The following CSMD3 variants were observed in gnomAD, a reference collection of about 807,000 sequenced individuals.
The protein encoded by CSMD3 is CUB and sushi domain-containing protein 3.
In CSMD3, 177 loss-of-function variants were observed where a neutral mutation model predicts 435.2. The ratio of observed to expected loss-of-function variants is 0.41; its 90% CI spans 0.36 to 0.46. The LOEUF is 0.46. Among genes scored for constraint, CSMD3 ranks in the 20% least tolerant of loss-of-function variants. CSMD3 has a pLI of 0.34. For synonymous variants in CSMD3, 1,656 were observed against 1,520.5 expected, an observed-to-expected ratio of 1.09 and a Z score of -2.07; for missense variants, 4,265 against 4,504.6, an observed-to-expected ratio of 0.95 and a Z score of 1.52.
rs1812335002 is a variant in CSMD3, at chr8:112,223,633, TAA to T, written c.*1136_*1137del. 1 of 152,174 alleles carries T rather than the reference TAA, an allele frequency of 6.6e-6. No homozygotes were observed. Among genetic ancestry groups the T allele is most frequent in the African/African-American group, 2.4e-5 (1 of 41,460 alleles). 9.4% of individuals were successfully genotyped at this position (152,174 alleles called of 1,614,324 possible). A position where few individuals can be genotyped will look rare whatever the true frequency, so the allele number is the denominator to read the frequency against. On this transcript the variant is annotated 3_prime_UTR_variant, in exon 71 of 71. Transcript: ENST00000297405. ...AATTTAAAAATATATAAAAATATGA[TAA>T]GTCCACAATTGTAGGCAATAAATTT...
At chr8:113,162,363 C>T (rs1447922071) in intron 4 of CSMD3, among the ~76,000 whole-genome samples, 3 of 151,710 alleles carry the variant, frequency 2.0e-5, no homozygotes, top group Admixed American at 6.6e-5. Flanking sequence ...GTTGGGAGTT[C>T]GAGACCAGCC....
At chr8:113,372,719 G>C (rs939704882) in intron 1 of CSMD3, among the ~76,000 whole-genome samples, 8 of 152,058 alleles carry the variant, frequency 5.3e-5, no homozygotes, top group Non-Finnish European at 1.2e-4. Context: ...GGATCATGAG[G>C]TCAGGAGATC....
intron 4 of CSMD3, among the ~76,000 whole-genome samples, chr8:113,127,205 T>C (rs2091158414): frequency 6.6e-6 from 1 of 152,034 alleles, no homozygotes; most frequent in Non-Finnish European, 1.5e-5. Context: ...TGAAAGGAGA[T>C]TGCGAATGAA....
intron 1 of CSMD3, among the ~76,000 whole-genome samples, chr8:113,333,856 T>A (rs1019735666): frequency 6.6e-6 from 1 of 151,930 alleles, no homozygotes; most frequent in Non-Finnish European, 1.5e-5. Context: ...TAAGTAAATT[T>A]GGGGATAATT....
At chr8:113,049,884 A>C (rs1203826472) in intron 5 of CSMD3, among the ~76,000 whole-genome samples, 1 of 152,162 alleles carries the variant, frequency 6.6e-6, no homozygotes, top group Non-Finnish European at 1.5e-5. Context: ...TATGATTCAG[A>C]AGGCTGACAA....
chr8:112,254,353 G>A (rs577956237), intron 62 of CSMD3, 27 bp from the exon 63 acceptor site: 2 of 1,509,636 alleles, frequency 1.3e-6, no homozygotes, highest in African/African-American at 1.4e-5. Flanking sequence ...AAAGATATTA[G>A]TCCTTTAAAA....
intron 40 of CSMD3, among the ~76,000 whole-genome samples, chr8:112,346,753 A>C (rs1825716481): frequency 1.5e-5 from 2 of 133,764 alleles, no homozygotes; most frequent in Non-Finnish European, 3.0e-5. Flanking sequence ...ATCTCGGCTC[A>C]CTGCAAGCTC....
intron 32 of CSMD3, among the ~76,000 whole-genome samples, chr8:112,412,075 A>G (rs956735617): frequency 4.5e-4 from 69 of 152,148 alleles, no homozygotes; most frequent in African/African-American, 1.6e-3. Flanking sequence ...GATCTATCTA[A>G]TTTATCTATT....
chr8:113,315,313 G>A (rs968971183), intron 1 of CSMD3, among the ~76,000 whole-genome samples: 7 of 151,990 alleles, frequency 4.6e-5, no homozygotes, highest in African/African-American at 1.4e-4. Flanking sequence ...TTATAGAAGA[G>A]GAATTTTTTA....
chr8:112,963,465 A>T (rs368975461), intron 7 of CSMD3, among the ~76,000 whole-genome samples: 61 of 152,050 alleles, frequency 4.0e-4, no homozygotes, highest in African/African-American at 1.3e-3. Context: ...ACATCTCTTA[A>T]TTTTTTTATG....
At position 113,173,830 on chromosome 8, in the gene CSMD3, G is replaced by A. The variant is rs781065417; in HGVS notation, c.601C>T (p.Arg201Cys). 52 of 1,613,620 alleles carry A rather than the reference G, an allele frequency of 3.2e-5. No individual in the cohort carries two copies. The highest frequency in any genetic ancestry group is 3.3e-4 in the Middle Eastern group (2 of 6,076). The change falls in exon 4 of 71, where the codon CGC becomes TGC. Residue 201 changes from arginine to cysteine, a missense_variant. Arg to Cys is a radical substitution (Grantham distance 180, BLOSUM62 -3). This residue lies in a region of CSMD3 where 731 missense variants were observed against 755.4 expected (regional missense o/e 0.97). Coordinates refer to ENST00000297405, the MANE Select transcript of CSMD3 (RefSeq NM_198123.2). ...GTRFDVGDKIRYSCVTGYILD... is the reference protein window; with the variant it reads ...GTRFDVGDKICYSCVTGYILD... ...ATGTATCCAGTTACACAGCTGTAGC[G>A]GATCTTGTCCCCGACGTCGAATCTT...
intron 31 of CSMD3, among the ~76,000 whole-genome samples, chr8:112,486,700 G>A (rs1820168171): frequency 6.6e-6 from 1 of 152,018 alleles, no homozygotes; most frequent in African/African-American, 2.4e-5. Flanking sequence ...TTAAAATTCT[G>A]TTTACATATC....
rs756663681 is a variant in CSMD3 at position 112,336,724 on chromosome 8, G to T, written c.6947C>A (p.Pro2316His). ...FQDCFWLVRV[P>H]PGNGIYINFT... ...ATTGATGTAGATGCCATTCCCAGGG[G>T]GTACTCTTACAAGCCAAAAACAATC... Residue 2316 changes from proline to histidine, a missense_variant, in exon 44 of 71, where the codon CCC becomes CAC. Pro to His is a moderately conservative substitution (Grantham distance 77). This residue lies in a region of CSMD3 where 3,255 missense variants were observed against 3,380.2 expected (regional missense o/e 0.96). Transcript: ENST00000297405. 4 of 1,612,878 alleles carry T rather than the reference G, an allele frequency of 2.5e-6. No homozygotes were observed. Among genetic ancestry groups the T allele is most frequent in the Non-Finnish European group, 3.4e-6 (4 of 1,179,202 alleles).
At chr8:112,519,329 A>C (rs1326932182) in intron 27 of CSMD3, among the ~76,000 whole-genome samples, 1 of 152,214 alleles carries the variant, frequency 6.6e-6, no homozygotes, top group Non-Finnish European at 1.5e-5. Flanking sequence ...TAATAATATC[A>C]TAAAAGGAAC....
chr8:113,019,353 G>A (rs575867684), intron 5 of CSMD3, among the ~76,000 whole-genome samples, 174 bp from the exon 6 acceptor site: 1 of 152,114 alleles, frequency 6.6e-6, no homozygotes, highest in South Asian at 2.1e-4. Context: ...ACAGAATAGT[G>A]CAATTCCAAA....
At chr8:112,399,679 T>G (rs1831156014) in intron 35 of CSMD3, among the ~76,000 whole-genome samples, 2 of 152,150 alleles carry the variant, frequency 1.3e-5, no homozygotes, top group African/African-American at 4.8e-5. Flanking sequence ...TGTTTAAAGT[T>G]TTACCTTCTA....
intron 27 of CSMD3, among the ~76,000 whole-genome samples, chr8:112,528,614 C>CA (rs921282764): frequency 3.9e-5 from 6 of 151,996 alleles, no homozygotes; most frequent in Admixed American, 6.6e-5. Context: ...CACTCTACCC[C>CA]AAAAAAACAC....
At chr8:112,384,904 T>G (rs1319423189) in intron 36 of CSMD3, among the ~76,000 whole-genome samples, 3 of 152,236 alleles carry the variant, frequency 2.0e-5, no homozygotes, top group Non-Finnish European at 4.4e-5. Flanking sequence ...AATACTGCAT[T>G]CAGCTTTTTA....
chr8:112,297,802 C>T (rs1350874306), intron 53 of CSMD3, among the ~76,000 whole-genome samples: 2 of 151,786 alleles, frequency 1.3e-5, no homozygotes, highest in Non-Finnish European at 2.9e-5. Context: ...ATACTGACAG[C>T]AAACAATTGG....
Sources: gnomAD v4.1 joint callset for allele counts (sites outside exome capture counted in the v4.1 genomes callset) on GRCh38, gnomAD v4.1.1 for gene constraint, gnomAD v4.1.1 regional missense constraint, MANE v1.5 for transcripts, NCBI Gene and HGNC (gene_info 2026-07-23, HGNC 2026-07-21) for gene names.